The following ATXN2 variants were observed in gnomAD, a reference collection of about 807,000 sequenced individuals.
ATXN2 encodes the protein ataxin 2.
ATXN2 carries 37 observed loss-of-function variants against 138.6 expected under a neutral mutation model. That is an observed-to-expected ratio of 0.27 (90% CI 0.21 to 0.35). The LOEUF is 0.35. Ranked by LOEUF, ATXN2 falls within the 10% of genes least tolerant of loss-of-function variation. ATXN2 has a pLI of 1.00. For synonymous variants in ATXN2, 549 were observed against 543.7 expected (o/e 1.01, Z -0.13); for missense variants, 1,216 against 1,480.3 (o/e 0.82, Z 2.93).
chr12:111,464,431 T>G (rs1875850044), intron 21 of ATXN2, among the ~76,000 whole-genome samples: 1 of 149,402 alleles, frequency 6.7e-6, no homozygotes, highest in South Asian at 2.1e-4. Context: ...CAGTCACATT[T>G]GCTTGGTATG....
chr12:111,469,627 A>AC (rs35350651), intron 20 of ATXN2: 104,149 of 156,968 alleles, frequency 0.66, 37,735 homozygotes, highest in East Asian at 1. Flanking sequence ...ATATTCAACC[A>AC]TTAAAATACA....
At position 111,598,258 on chromosome 12, in the gene ATXN2, G is replaced by A. The variant is rs1885039168; in HGVS notation, c.251+526C>T. The A allele has an allele frequency of 5.8e-6, 6 of 1,026,340 alleles. No individual in the cohort carries two copies. Among genetic ancestry groups the A allele is most frequent in the Non-Finnish European group, 7.0e-6 (6 of 853,880 alleles). The allele number at this position is 1,026,340 out of a possible 1,614,324, so 63.6% of individuals were successfully genotyped here. On this transcript the variant is annotated intron_variant, in intron 1 of 24. Transcript: ENST00000673436. The surrounding 1 kb of genome is among the most constrained non-coding windows in gnomAD (Gnocchi z 4.5). The stretch of plus-strand genomic sequence containing the variant: ...CCCGACAGACCCTGATGATTCCGGA[G>A]GAGCCCGGTGCCTACCCCTTTAACC...
chr12:111,522,708 T>A (rs982164779), intron 6 of ATXN2, among the ~76,000 whole-genome samples: 1 of 147,474 alleles, frequency 6.8e-6, no homozygotes, highest in African/African-American at 2.5e-5. Flanking sequence ...AGATTAGGAG[T>A]TCGGGACCAG....
At chr12:111,458,745 G>A (rs1465165379) in intron 21 of ATXN2, among the ~76,000 whole-genome samples, 2 of 152,208 alleles carry the variant, frequency 1.3e-5, no homozygotes, top group Non-Finnish European at 2.9e-5. Flanking sequence ...AGCAAGCACA[G>A]CTTTGGGAAG....
chr12:111,489,499 G>A (rs1877877613), intron 14 of ATXN2, among the ~76,000 whole-genome samples: 1 of 152,070 alleles, frequency 6.6e-6, no homozygotes, highest in South Asian at 2.1e-4. Context: ...TATAGTCCCT[G>A]CTACTCGGGA....
chr12:111,574,473 G>A (rs1883524285), intron 1 of ATXN2, among the ~76,000 whole-genome samples: 1 of 151,672 alleles, frequency 6.6e-6, no homozygotes, highest in African/African-American at 2.4e-5. Context: ...TGTCGCCTGG[G>A]ATGGTATACA....
intron 14 of ATXN2, among the ~76,000 whole-genome samples, chr12:111,504,625 C>T (rs899087802): frequency 2.6e-5 from 4 of 152,006 alleles, no homozygotes; most frequent in African/African-American, 9.7e-5. Flanking sequence ...GGTGCTGGGA[C>T]AACTAATACC....
intron 17 of ATXN2, 89 bp from the exon 18 acceptor site, chr12:111,485,420 C>G (rs1406090448): frequency 1.6e-6 from 2 of 1,282,150 alleles, no homozygotes; most frequent in Non-Finnish European, 2.2e-6. Context: ...TGCTAGAGAG[C>G]TAGGCATGAG....
At chr12:111,487,453 TTTTA>T (rs138152068) in intron 15 of ATXN2, among the ~76,000 whole-genome samples, 10,684 of 151,562 alleles carry the variant, frequency 0.07, 1,294 homozygotes, top group East Asian at 0.56. Flanking sequence ...AACAGTATCC[TTTTA>T]TTTATTTATT....
chr12:111,567,438 T>G (rs1178560381), intron 1 of ATXN2, among the ~76,000 whole-genome samples: 1 of 151,370 alleles, frequency 6.6e-6, no homozygotes, highest in Non-Finnish European at 1.5e-5. Flanking sequence ...AGGCAGAGGT[T>G]GCAGTAAGCT....
chr12:111,498,455 C>G (rs189265422), intron 14 of ATXN2, among the ~76,000 whole-genome samples: 1 of 152,028 alleles, frequency 6.6e-6, no homozygotes, highest in Non-Finnish European at 1.5e-5. Context: ...ATTTTTTAAA[C>G]GCAATCCCAT....
At chr12:111,588,867 C>T (rs113710104) in intron 1 of ATXN2, among the ~76,000 whole-genome samples, 2,856 of 147,612 alleles carry the variant, frequency 0.019, 47 homozygotes, top group Non-Finnish European at 0.029. Flanking sequence ...TGGTGGCGGG[C>T]GCATGTAGTC....
At chr12:111,556,714 G>T (rs1051595494) in intron 1 of ATXN2, among the ~76,000 whole-genome samples, 1 of 151,896 alleles carries the variant, frequency 6.6e-6, no homozygotes, top group Admixed American at 6.6e-5. Context: ...TACTAGGGAG[G>T]CTGAGGCAGA....
intron 1 of ATXN2, among the ~76,000 whole-genome samples, chr12:111,597,564 C>T (rs765526486): frequency 1.3e-5 from 2 of 152,164 alleles, no homozygotes; most frequent in Non-Finnish European, 2.9e-5. Context: ...GTTTCCTTCT[C>T]CCTTTGAACA....
intron 1 of ATXN2, among the ~76,000 whole-genome samples, chr12:111,576,137 T>TAACATAACATAACATAA (rs1346812599): frequency 2.2e-5 from 2 of 90,746 alleles, no homozygotes; most frequent in Admixed American, 2.3e-4. Context: ...TAACATAACA[T>TAACATAACATAACATAA]CACACCAAAC....
chr12:111,560,069 G>A (rs976676131), intron 1 of ATXN2, among the ~76,000 whole-genome samples: 8 of 152,084 alleles, frequency 5.3e-5, no homozygotes, highest in Admixed American at 2.6e-4. Context: ...TTCAAACACT[G>A]ATCTCAGAAA....
chr12:111,532,386 A>C (rs1880885988), intron 5 of ATXN2, among the ~76,000 whole-genome samples: 1 of 152,302 alleles, frequency 6.6e-6, no homozygotes, highest in Admixed American at 6.5e-5. Context: ...AGGCTGAGGC[A>C]GGAGAATCGT....
intron 5 of ATXN2, among the ~76,000 whole-genome samples, chr12:111,529,216 A>C (rs1592866150): frequency 6.6e-6 from 1 of 152,332 alleles, no homozygotes; most frequent in East Asian, 1.9e-4. Flanking sequence ...AACTGGCTCT[A>C]ATCTACAGGC....
At chr12:111,519,404 C>T (rs1592855880) in intron 8 of ATXN2, among the ~76,000 whole-genome samples, 1 of 152,170 alleles carries the variant, frequency 6.6e-6, no homozygotes, top group Non-Finnish European at 1.5e-5. Flanking sequence ...TTGTACATGG[C>T]TTTTCATCAG....
Sources: gnomAD v4.1 joint callset for allele counts (sites outside exome capture counted in the v4.1 genomes callset) on GRCh38, gnomAD v4.1.1 for gene constraint, Gnocchi (gnomAD v3.1) non-coding constraint, MANE v1.5 for transcripts, NCBI Gene and HGNC (gene_info 2026-07-23, HGNC 2026-07-21) for gene names.